Variants in XG observed in about 807,000 individuals in gnomAD.
XG encodes the protein glycoprotein Xg.
XG carries 24 observed loss-of-function variants against 25.7 expected under a neutral mutation model. The ratio of observed to expected loss-of-function variants is 0.93; its 90% confidence interval spans 0.68 to 1.31. The LOEUF (loss-of-function observed/expected upper bound fraction) is 1.31, where lower values mean the gene tolerates loss of function less well. Ranked by LOEUF, XG falls within the 40% of genes most tolerant of loss-of-function variation. The pLI is 0.00. For synonymous variants in XG, 77 were observed against 69.2 expected (o/e 1.11, Z -0.56); for missense variants, 181 against 187.6 (o/e 0.96, Z 0.21).
chrX:2,752,185 A>G lies in XG; in HGVS notation c.-90A>G. The G allele has an allele frequency of 6.3e-7, 1 of 1,590,906 alleles. No homozygotes were observed. The highest frequency in any genetic ancestry group is 1.1e-5 in the South Asian group (1 of 89,004). On this transcript the variant is annotated 5_prime_UTR_variant, in exon 1 of 11. Transcript: ENST00000644266. ...TCCCTTCCTTCCAAGCTGGGAGACC[A>G]GAAGTCAACAACAGGAGGGTGGAGA...
chrX:2,756,899 G>A (rs1163014795), intron 1 of XG, among the ~76,000 whole-genome samples: 1 of 152,200 alleles, frequency 6.6e-6, no homozygotes, highest in Non-Finnish European at 1.5e-5. Flanking sequence ...GCGTTTTACG[G>A]TGCTCTTTTA....
At chrX:2,776,644 A>T (rs1487152490) in intron 3 of XG, among the ~76,000 whole-genome samples, 1 of 151,988 alleles carries the variant, frequency 6.6e-6, no homozygotes, top group Non-Finnish European at 1.5e-5. Context: ...GTTAGTAAAA[A>T]CCAGGTTGGG....
chrX:2,781,687 C>T (rs756209831), intron 3 of XG, among the ~76,000 whole-genome samples: 2 of 111,488 alleles, frequency 1.8e-5, no homozygotes, highest in African/African-American at 3.3e-5. Context: ...CAGTTGGGTC[C>T]GGGAACAGAA....
chrX:2,762,496 T>C (rs950769211), intron 1 of XG, among the ~76,000 whole-genome samples: 4 of 151,912 alleles, frequency 2.6e-5, no homozygotes, highest in African/African-American at 9.7e-5. Context: ...CCCGGTGAGC[T>C]TGAGCATTAG....
At chrX:2,812,080 C>T (rs1430769044) in intron 10 of XG, among the ~76,000 whole-genome samples, 1 of 111,651 alleles carries the variant, frequency 9.0e-6, no homozygotes, top group African/African-American at 3.2e-5. Flanking sequence ...GTTTAACTAC[C>T]TGTTCTGTTT....
intron 1 of XG, among the ~76,000 whole-genome samples, chrX:2,767,164 G>A (rs1400332247): frequency 2.0e-5 from 3 of 152,102 alleles, no homozygotes; most frequent in Admixed American, 6.5e-5. Flanking sequence ...GGGAGGCAGG[G>A]GAACTCCAAT....
chrX:2,776,727 A>G (rs780126674), intron 3 of XG, among the ~76,000 whole-genome samples: 2 of 152,314 alleles, frequency 1.3e-5, no homozygotes, highest in East Asian at 3.9e-4. Flanking sequence ...GGGCGCCTGT[A>G]GTCTCAGCTA....
chrX:2,761,737 C>T (rs1484718562), intron 1 of XG, among the ~76,000 whole-genome samples: 8 of 142,694 alleles, frequency 5.6e-5, no homozygotes, highest in South Asian at 2.3e-4. Flanking sequence ...AGGACACAGA[C>T]GCACACAGAG....
rs968617150 is a variant in XG, at chrX:2,762,752, AT to A, written c.62-7795del. Among the ~76,000 whole-genome samples, 92 of 152,200 alleles carry A rather than the reference AT, an allele frequency of 6.0e-4. 1 individual carries two copies. The highest frequency in any genetic ancestry group is 3.4e-3 in the Middle Eastern group (1 of 294). On this transcript the variant is annotated intron_variant, in intron 1 of 10. Coordinates refer to ENST00000644266, the MANE Select transcript of XG (RefSeq NM_001141919.2). ...CCTACGGTCCTAACCTAGTCATATG[AT>A]TTAATTTTTTTTACTCTGTGAATCA...
At chrX:2,754,092 T>A (rs2050385923) in intron 1 of XG, among the ~76,000 whole-genome samples, 1 of 152,132 alleles carries the variant, frequency 6.6e-6, no homozygotes, top group Non-Finnish European at 1.5e-5. Flanking sequence ...ATATTTTCTT[T>A]TTTTTAATGT....
At chrX:2,805,520 G>A (rs1346866975) in intron 7 of XG, among the ~76,000 whole-genome samples, 3 of 99,692 alleles carry the variant, frequency 3.0e-5, no homozygotes, top group African/African-American at 1.1e-4. Context: ...CTTATGAGGT[G>A]TCTTAGTCCA....
intron 3 of XG, among the ~76,000 whole-genome samples, chrX:2,779,021 C>T (rs750716370): frequency 3.3e-5 from 5 of 152,156 alleles, no homozygotes; most frequent in Non-Finnish European, 5.9e-5. Flanking sequence ...ACCTCGGTGT[C>T]CCAAAGTGCT....
intron 9 of XG, among the ~76,000 whole-genome samples, chrX:2,810,344 C>T (rs1258130620): frequency 9.0e-6 from 1 of 111,050 alleles, no homozygotes; most frequent in African/African-American, 3.3e-5. Flanking sequence ...GCAGGAGTGC[C>T]AAAGCTCTGG....
At chrX:2,766,308 G>GT (rs1569459754) in intron 1 of XG, among the ~76,000 whole-genome samples, 1 of 151,852 alleles carries the variant, frequency 6.6e-6, no homozygotes, top group Non-Finnish European at 1.5e-5. Flanking sequence ...GCTCAGCTAA[G>GT]TTTTGTATTT....
chrX:2,803,991 T>A (rs1296803420), intron 7 of XG, among the ~76,000 whole-genome samples: 1 of 110,449 alleles, frequency 9.1e-6, no homozygotes, highest in Non-Finnish European at 1.9e-5. Flanking sequence ...TACGGGCACA[T>A]GTCACCATGC....
At chrX:2,776,661 A>G (rs753583999) in intron 3 of XG, among the ~76,000 whole-genome samples, 215 of 152,152 alleles carry the variant, frequency 1.4e-3, no homozygotes, top group African/African-American at 5.0e-3. Flanking sequence ...TGGGCATTAC[A>G]GGTGAAACCC....
rs774018464 is a variant in XG, at chrX:2,756,734, G to A, written c.61+4399G>A. Among the ~76,000 whole-genome samples, 61 of 152,294 alleles carry A rather than the reference G, an allele frequency of 4.0e-4. 1 individual carries two copies. Among genetic ancestry groups the A allele is most frequent in the Admixed American group, 3.3e-4 (5 of 15,296 alleles). ...CCCTCACAGGATGTGCAACAGGGGT[G>A]TGTTTGATCTGTTTGACCGCCACAC... is the stretch of plus-strand genomic sequence containing the variant. On this transcript the variant is annotated intron_variant, in intron 1 of 10. Transcript: ENST00000644266.
At chrX:2,804,809 A>G (rs1439244816) in intron 7 of XG, among the ~76,000 whole-genome samples, 1 of 111,611 alleles carries the variant, frequency 9.0e-6, no homozygotes, top group Non-Finnish European at 1.9e-5. Context: ...CTTACTGGTC[A>G]GGGGGCTGCT....
intron 1 of XG, among the ~76,000 whole-genome samples, chrX:2,764,583 C>T (rs2050633534): frequency 1.3e-5 from 2 of 151,986 alleles, no homozygotes; most frequent in African/African-American, 2.4e-5. Flanking sequence ...CCTGTGCCAG[C>T]TTTGTAAAAC....
Sources: gnomAD v4.1 joint callset for allele counts (sites outside exome capture counted in the v4.1 genomes callset) on GRCh38, gnomAD v4.1.1 for gene constraint, MANE v1.5 for transcripts, NCBI Gene and HGNC (gene_info 2026-07-23, HGNC 2026-07-21) for gene names.